Variants in COBL observed in about 807,000 individuals in gnomAD.
COBL encodes protein cordon-bleu.
COBL carries 51 observed loss-of-function variants against 98.8 expected under a neutral mutation model. The observed-to-expected ratio is 0.52, with a 90% confidence interval of 0.41 to 0.65. The LOEUF is 0.65. COBL is among the 30% of genes least tolerant of loss of function. COBL has a pLI of 0.00. For synonymous variants in COBL, 634 were observed against 651.7 expected, an observed-to-expected ratio of 0.97 and a Z score of 0.41; for missense variants, 1,617 against 1,617.5, an observed-to-expected ratio of 1.00 and a Z score of 0.01.
chr7:51,226,517 C>T (rs553651688), intron 1 of COBL, among the ~76,000 whole-genome samples: 1 of 95,326 alleles, frequency 1.0e-5, no homozygotes, highest in South Asian at 3.2e-4. Flanking sequence ...TCGGTCACCA[C>T]TGCGTTGAGT....
chr7:51,113,263 T>C (rs1468032716), intron 6 of COBL, among the ~76,000 whole-genome samples: 5 of 152,198 alleles, frequency 3.3e-5, no homozygotes, highest in Non-Finnish European at 7.3e-5. Flanking sequence ...ACTCAGAATA[T>C]ATGAAGGAAA....
At chr7:51,038,472 C>T (rs1294744572) in intron 8 of COBL, among the ~76,000 whole-genome samples, 1 of 152,196 alleles carries the variant, frequency 6.6e-6, no homozygotes, top group Non-Finnish European at 1.5e-5. Flanking sequence ...ACCCAGGCAT[C>T]CCTAGCCAAA....
In COBL at chr7:51,193,493, T is replaced by C. The variant is rs752763147; in HGVS notation, c.342A>G (p.Gln114=). ...AAGTATTTGGCTTAAAACTCAAAGG[T>C]TGTTGGGTTTCTGAAGACCGAATTT... ...ALEIRSSETQ[Q]PLSFKPNTLI... is the part of the protein sequence containing the mutation. Residue 114 remains glutamine (Q), a synonymous_variant, in exon 3 of 13, where the codon CAA becomes CAG. Coordinates refer to ENST00000265136, the MANE Select transcript of COBL (RefSeq NM_015198.5). 7 of 1,614,006 alleles carry C rather than the reference T, an allele frequency of 4.3e-6. No individual in the cohort carries two copies. The highest frequency in any genetic ancestry group is 2.2e-5 in the East Asian group (1 of 44,882).
chr7:51,095,322 T>C (rs899370281), intron 6 of COBL, among the ~76,000 whole-genome samples: 7 of 152,138 alleles, frequency 4.6e-5, no homozygotes, highest in African/African-American at 7.2e-5. Context: ...TGACCTCCCA[T>C]TGGGTCCCTC....
intron 7 of COBL, among the ~76,000 whole-genome samples, chr7:51,052,447 T>C (rs1050787094): frequency 2.6e-5 from 4 of 152,200 alleles, no homozygotes; most frequent in Non-Finnish European, 4.4e-5. Context: ...TCTCAACATA[T>C]TTGAAACCAT....
rs915274771 is a variant in COBL at position 51,217,945 on chromosome 7, C to A, written c.245+1796G>T. Among the ~76,000 whole-genome samples the A allele has an allele frequency of 5.9e-5, 9 of 152,330 alleles. No individual in the cohort carries two copies. In the East Asian group the frequency reaches 1.7e-3, roughly 29 times the overall value. On this transcript the variant is annotated intron_variant, in intron 2 of 12. Coordinates refer to ENST00000265136, the MANE Select transcript of COBL (RefSeq NM_015198.5). The stretch of plus-strand genomic sequence containing the variant: ...AGATAGTGGCTTCCGGTGGACCAGG[C>A]TTTGAGCCCAGGCACCTCCCACCTT...
Position 51,190,866 on chromosome 7 carries a change from C to A in COBL, c.669G>T (p.Ala223=). The A allele has an allele frequency of 6.2e-7, 1 of 1,613,946 alleles. No individual in the cohort carries two copies. The highest frequency in any genetic ancestry group is 8.5e-7 in the Non-Finnish European group (1 of 1,179,920). Residue 223 remains alanine, a synonymous_variant, in exon 4 of 13, where the codon GCG becomes GCT. Transcript: ENST00000265136. The part of the protein sequence containing the change: ...LNELGIKELY[A]WDNRRETFRK... ...GGGCCTCACCTCTTCTGTTGTCCCA[C>A]GCGTAGAGCTCCTTTATCCCGAGCT...
intron 1 of COBL, among the ~76,000 whole-genome samples, chr7:51,269,920 G>GAC (rs1022980945): frequency 1.3e-5 from 2 of 152,180 alleles, no homozygotes; most frequent in African/African-American, 4.8e-5. Flanking sequence ...CGGCCATACT[G>GAC]ACACAGGGAA....
intron 4 of COBL, among the ~76,000 whole-genome samples, chr7:51,187,730 C>G (rs1291775943): frequency 6.6e-6 from 1 of 152,166 alleles, no homozygotes; most frequent in African/African-American, 2.4e-5. Context: ...CTGAACCAAC[C>G]AGGGAATCAA....
intron 6 of COBL, among the ~76,000 whole-genome samples, chr7:51,122,200 CG>C (rs1797801481): frequency 6.6e-6 from 1 of 152,192 alleles, no homozygotes; most frequent in Non-Finnish European, 1.5e-5. Context: ...AGAGAGGAAA[CG>C]ATCCACAAAC....
chr7:51,127,738 G>T (rs193224305), intron 6 of COBL, among the ~76,000 whole-genome samples: 6 of 152,264 alleles, frequency 3.9e-5, no homozygotes, highest in Admixed American at 2.6e-4. Flanking sequence ...TGAAGGCTGG[G>T]GGTGTTTTAC....
At chr7:51,082,930 A>C in intron 7 of COBL, 1 of 838,888 alleles carries the variant, frequency 1.2e-6, no homozygotes. Flanking sequence ...ATTGGGAAAC[A>C]AGAGCTGAGA....
intron 5 of COBL, among the ~76,000 whole-genome samples, chr7:51,162,636 C>T (rs1786928942): frequency 6.6e-6 from 1 of 152,212 alleles, no homozygotes; most frequent in Admixed American, 6.5e-5. Context: ...GTCAGGTTTA[C>T]TCACCATTTC....
intron 6 of COBL, among the ~76,000 whole-genome samples, chr7:51,103,314 T>C (rs141097336): frequency 3.4e-4 from 52 of 152,324 alleles, no homozygotes; most frequent in Admixed American, 1.4e-3. Context: ...AGAGAGAGAA[T>C]TGGTTGTTCA....
At chr7:51,223,096 G>A (rs963546252) in intron 1 of COBL, among the ~76,000 whole-genome samples, 1 of 152,190 alleles carries the variant, frequency 6.6e-6, no homozygotes, top group Admixed American at 6.5e-5. Context: ...AGCAGCCTGC[G>A]AGGGCTGTTG....
Position 51,262,262 on chromosome 7 carries a change from C to T in COBL, c.42-42318G>A, listed in dbSNP as rs530441124. Among the ~76,000 whole-genome samples the T allele has an allele frequency of 5.3e-5, 8 of 152,272 alleles. No individual in the cohort carries two copies. The South Asian group carries it at 1.7e-3, about 32-fold the overall frequency. ...AGTGCAGGTGCAAGACAGGGGCACA[C>T]CTGGGAACCCCAATGTCTCAGGCAG... On this transcript the variant is annotated intron_variant, in intron 1 of 12. Coordinates refer to ENST00000265136, the MANE Select transcript of COBL (RefSeq NM_015198.5).
chr7:51,286,480 T>C (rs1417039870), intron 1 of COBL, among the ~76,000 whole-genome samples: 1 of 150,562 alleles, frequency 6.6e-6, no homozygotes, highest in Admixed American at 6.6e-5. Context: ...AAATAAAATA[T>C]CCAAACAGCC....
At chr7:51,305,538 CAGA>C (rs1177058320) in intron 1 of COBL, among the ~76,000 whole-genome samples, 1 of 145,430 alleles carries the variant, frequency 6.9e-6, no homozygotes, top group Non-Finnish European at 1.5e-5. Context: ...TCAGTTCTAA[CAGA>C]AGGAGGATTC....
chr7:51,251,419 C>T (rs2129137375), intron 1 of COBL, among the ~76,000 whole-genome samples: 1 of 152,272 alleles, frequency 6.6e-6, no homozygotes, highest in Non-Finnish European at 1.5e-5. Flanking sequence ...ACGCTGCCAG[C>T]TATACAAAGG....
Sources: allele counts gnomAD v4.1 joint callset (sites outside exome capture counted in the v4.1 genomes callset), GRCh38; gene constraint gnomAD v4.1.1; transcripts MANE v1.5; gene names NCBI Gene and HGNC (gene_info 2026-07-23, HGNC 2026-07-21).